The following GRIK2 variants were observed in gnomAD, a reference collection of about 807,000 sequenced individuals.
GRIK2 encodes the protein glutamate ionotropic receptor kainate type subunit 2.
A neutral mutation model predicts 100.3 loss-of-function variants in GRIK2; 32 were observed. The observed-to-expected ratio is 0.32, with a 90% CI of 0.24 to 0.43. The LOEUF is 0.43. GRIK2 is among the 20% of genes least tolerant of loss of function. The probability of loss-of-function intolerance (pLI) is 1.00; values close to 1 mark genes in which losing one functional copy is unlikely to be tolerated. For synonymous variants in GRIK2, 417 were observed against 389.4 expected (o/e 1.07, Z -0.83); for missense variants, 843 against 1,114.9 (o/e 0.76, Z 3.47).
At chr6:101,974,600 G>A (rs1262720238) in intron 14 of GRIK2, among the ~76,000 whole-genome samples, 1 of 152,034 alleles carries the variant, frequency 6.6e-6, no homozygotes, top group African/African-American at 2.4e-5. Flanking sequence ...ACAGTATTGA[G>A]GAAGAATTTC....
rs73763606 is a variant in GRIK2, at chr6:101,968,830, G to A, written c.2085+40198G>A. ...TGATGTTTAAGAAGACTTCTAAAATGAGGATACTGTAAACCTACCCCTTAT... is the reference window on the plus strand; with the variant it reads ...TGATGTTTAAGAAGACTTCTAAAATAAGGATACTGTAAACCTACCCCTTAT... On this transcript the variant is annotated intron_variant, in intron 14 of 16. Transcript: ENST00000369134. Among the ~76,000 whole-genome samples the A allele has an allele frequency of 8.1e-3, 1,232 of 152,026 alleles. 18 individuals carry two copies. The highest frequency in any genetic ancestry group is 0.029 in the African/African-American group (1,197 of 41,482).
rs929674004 is a variant in GRIK2 at position 101,799,663 on chromosome 6, A to G, written c.967A>G (p.Met323Val). 1.2e-6 allele frequency: 2 copies of G among 1,612,794 alleles called. No individual in the cohort carries two copies. Among genetic ancestry groups the G allele is most frequent in the African/African-American group, 1.3e-5 (1 of 74,810 alleles). ...DGFMTTDAAL[M>V]YDAVHVVSVA... Reference sequence around the variant, plus strand: ...TGCTTTTCAGACTGATGCTGCTCTAATGTATGATGCTGTGCATGTGGTGTC... The same window carrying G: ...TGCTTTTCAGACTGATGCTGCTCTAGTGTATGATGCTGTGCATGTGGTGTC... Residue 323 changes from methionine to valine, a missense_variant, in exon 8 of 17, where the codon ATG becomes GTG. By Grantham distance (21) the Met-to-Val change is conservative (BLOSUM62 1). Coordinates refer to ENST00000369134, the MANE Select transcript of GRIK2 (RefSeq NM_021956.5).
At chr6:101,501,844 G>A (rs538590354) in intron 2 of GRIK2, among the ~76,000 whole-genome samples, 4 of 152,108 alleles carry the variant, frequency 2.6e-5, no homozygotes, top group Admixed American at 6.6e-5. Context: ...TGCAACCTCC[G>A]TCTCCTGGGT....
intron 12 of GRIK2, among the ~76,000 whole-genome samples, chr6:101,916,523 A>T (rs938746536): frequency 1.3e-5 from 2 of 151,668 alleles, no homozygotes; most frequent in East Asian, 3.9e-4. Flanking sequence ...ATTAGGAATA[A>T]ATTAGATCAT....
chr6:101,697,559 T>C (rs1200872055), intron 7 of GRIK2, among the ~76,000 whole-genome samples: 1 of 152,058 alleles, frequency 6.6e-6, no homozygotes, highest in Non-Finnish European at 1.5e-5. Flanking sequence ...TGTATCATTT[T>C]TTCTCAATGT....
rs1780494985 is a variant in GRIK2, at chr6:101,627,104, CGTGTGTGTGTCTCTGTGTGTGTGT to C, written c.541+478_541+501del. ...ATATTGAATAATGTGTGTGTGTGTG[CGTGTGTGTGTCTCTGTGTGTGTGT>C]GTGTGTGTGTGTGTGTGTGTGTACA... On this transcript the variant is annotated intron_variant, in intron 4 of 16. Transcript: ENST00000369134. 2.1e-5 allele frequency among the ~76,000 whole-genome samples: 3 copies of C among 141,374 alleles called. No homozygotes were observed. In the Admixed American group the frequency reaches 2.2e-4, roughly 10 times the overall value. 92.7% of individuals were successfully genotyped at this position (141,374 alleles called of 152,430 possible).
chr6:101,812,157 A>G lies in GRIK2; in HGVS notation c.1204-6213A>G, dbSNP rs537271411. 3.3e-5 allele frequency among the ~76,000 whole-genome samples: 5 copies of G among 151,826 alleles called. No individual in the cohort carries two copies. The South Asian group carries it at 1.0e-3, about 31-fold the overall frequency. ...TAAGAATAACACAAAAAACATGAAG[A>G]TAAAATATGGAAAACAAAATATGTA... On this transcript the variant is annotated intron_variant, in intron 9 of 16. Transcript: ENST00000369134.
At chr6:101,652,604 G>A (rs904737827) in intron 4 of GRIK2, among the ~76,000 whole-genome samples, 1 of 152,136 alleles carries the variant, frequency 6.6e-6, no homozygotes, top group African/African-American at 2.4e-5. Context: ...GATGGCAGGG[G>A]AATTGGTGTC....
At chr6:101,572,818 AT>A (rs1777611269) in intron 2 of GRIK2, among the ~76,000 whole-genome samples, 1 of 26,666 alleles carries the variant, frequency 3.8e-5, no homozygotes, top group Non-Finnish European at 9.4e-5. Context: ...GTTGTTTATT[AT>A]TTATTTATTT....
At chr6:101,574,904 T>G (rs1378187177) in intron 2 of GRIK2, among the ~76,000 whole-genome samples, 1 of 151,828 alleles carries the variant, frequency 6.6e-6, no homozygotes, top group Non-Finnish European at 1.5e-5. Flanking sequence ...TTTTTATGTT[T>G]ATTGAAAATG....
chr6:101,840,896 A>T (rs1192797336), intron 10 of GRIK2, among the ~76,000 whole-genome samples: 1 of 152,252 alleles, frequency 6.6e-6, no homozygotes. Flanking sequence ...TAAAAGAAAG[A>T]AATGCTTTCG....
At chr6:101,909,371 G>GTTTTTTTTT (rs370241149) in intron 12 of GRIK2, among the ~76,000 whole-genome samples, 5,367 of 82,838 alleles carry the variant, frequency 0.065, 1,063 homozygotes, top group African/African-American at 0.11. Flanking sequence ...GGAAGATAGG[G>GTTTTTTTTT]TTTTCTTTTT....
rs868303451 is a variant in GRIK2, at chr6:101,874,171, T to G, written c.1524+14678T>G. Among the ~76,000 whole-genome samples, 6 of 152,092 alleles carry G rather than the reference T, an allele frequency of 3.9e-5. No homozygotes were observed. In the South Asian group the frequency reaches 1.0e-3, roughly 26 times the overall value. Reference sequence around the variant, plus strand: ...GTGTTTTAGACATGAAGTCCTTGCCTATGCCTATGTCCTGAATGGTATTGC... The same window carrying G: ...GTGTTTTAGACATGAAGTCCTTGCCGATGCCTATGTCCTGAATGGTATTGC... On this transcript the variant is annotated intron_variant, in intron 11 of 16. Transcript: ENST00000369134.
intron 12 of GRIK2, among the ~76,000 whole-genome samples, chr6:101,911,315 T>C (rs2791771): frequency 0.86 from 129,462 of 151,304 alleles, 55,545 homozygotes; most frequent in East Asian, 0.94. Context: ...ATTACATGAA[T>C]CAGTCAAATG....
chr6:101,703,640 A>G (rs1251104215), intron 7 of GRIK2, among the ~76,000 whole-genome samples: 1 of 151,802 alleles, frequency 6.6e-6, no homozygotes, highest in East Asian at 1.9e-4. Context: ...GAACCTGAAG[A>G]GATACATAAA....
intron 4 of GRIK2, among the ~76,000 whole-genome samples, chr6:101,635,673 A>G (rs530724179): frequency 1.3e-5 from 2 of 152,258 alleles, no homozygotes; most frequent in East Asian, 1.9e-4. Context: ...AAAAAACCCT[A>G]TCAAAAAGTG....
At chr6:101,919,917 T>G (rs2128468674) in intron 12 of GRIK2, among the ~76,000 whole-genome samples, 1 of 151,984 alleles carries the variant, frequency 6.6e-6, no homozygotes, top group Admixed American at 6.6e-5. Flanking sequence ...ATTTTAGATG[T>G]TTGGCCAGAA....
At chr6:101,529,227 C>T (rs1775301440) in intron 2 of GRIK2, among the ~76,000 whole-genome samples, 1 of 152,018 alleles carries the variant, frequency 6.6e-6, no homozygotes, top group African/African-American at 2.4e-5. Context: ...TATGTGTCTC[C>T]AGTTTTTCAG....
chr6:101,423,834 A>G (rs1776544751), intron 2 of GRIK2, among the ~76,000 whole-genome samples: 1 of 152,186 alleles, frequency 6.6e-6, no homozygotes, highest in Non-Finnish European at 1.5e-5. Flanking sequence ...ATTCAGAAGC[A>G]TTGAAATCAG....
Sources: allele counts gnomAD v4.1 joint callset (sites outside exome capture counted in the v4.1 genomes callset), GRCh38; gene constraint gnomAD v4.1.1; transcripts MANE v1.5; gene names NCBI Gene and HGNC (gene_info 2026-07-23, HGNC 2026-07-21).